The following CPD variants were observed in gnomAD, a reference collection of about 807,000 sequenced individuals.
CPD encodes metallocarboxypeptidase D.
Under a neutral mutation model 138.3 loss-of-function variants are expected in CPD, and 69 were observed. That is an observed-to-expected ratio of 0.50 (90% CI 0.41 to 0.61). The LOEUF (loss-of-function observed/expected upper bound fraction) is 0.61, where lower values mean the gene tolerates loss of function less well. Ranked by LOEUF, CPD falls within the 20% of genes least tolerant of loss-of-function variation. The pLI, the probability that CPD is intolerant of heterozygous loss-of-function variation, is 0.00. For missense variants in CPD, 1,432 were observed against 1,733.3 expected (o/e 0.83, Z 3.09); for synonymous variants, 651 against 642.1 (o/e 1.01, Z -0.21).
intron 2 of CPD, among the ~76,000 whole-genome samples, chr17:30,416,853 A>G (rs575924630): frequency 6.6e-6 from 1 of 152,208 alleles, no homozygotes; most frequent in Non-Finnish European, 1.5e-5. Flanking sequence ...CTGTAATCCC[A>G]GCACTTTGGG....
chr17:30,416,643 C>A (rs1912114737), intron 2 of CPD, among the ~76,000 whole-genome samples: 1 of 152,180 alleles, frequency 6.6e-6, no homozygotes, highest in South Asian at 2.1e-4. Flanking sequence ...CTTACACTTA[C>A]CAAACTTTTC....
chr17:30,429,393 C>T (rs16965757), intron 7 of CPD, among the ~76,000 whole-genome samples: 2,096 of 152,218 alleles, frequency 0.014, 76 homozygotes, highest in Admixed American at 0.075. Context: ...AGGTAGGAAT[C>T]TTCAGTCATG....
At position 30,395,631 on chromosome 17, in the gene CPD, A is replaced by T. The variant is rs572042489; in HGVS notation, c.994+10395A>T. Among the ~76,000 whole-genome samples the T allele has an allele frequency of 2.0e-5, 3 of 152,054 alleles. No homozygotes were observed. In the South Asian group the frequency reaches 6.2e-4, roughly 32 times the overall value. ...AACACTCCTTTAGGATTTGGCCCCC[A>T]GTCTTTAGATCTAATGTGTATAAAT... On this transcript the variant is annotated intron_variant, in intron 2 of 20. Transcript: ENST00000225719.
At chr17:30,427,858 C>T (rs1368488904) in intron 7 of CPD, among the ~76,000 whole-genome samples, 1 of 150,464 alleles carries the variant, frequency 6.6e-6, no homozygotes, top group Non-Finnish European at 1.5e-5. Context: ...CTTCTCTTAC[C>T]TCCTCTCCCC....
At chr17:30,417,888 C>A (rs1215691326) in intron 2 of CPD, among the ~76,000 whole-genome samples, 1 of 152,136 alleles carries the variant, frequency 6.6e-6, no homozygotes, top group Non-Finnish European at 1.5e-5. Flanking sequence ...ACCCTACTTA[C>A]CTTTCCAGCC....
At chr17:30,455,735 G>T in intron 15 of CPD, 1 of 349,996 alleles carries the variant, frequency 2.9e-6, no homozygotes, top group Non-Finnish European at 5.1e-6. Context: ...CAATTATTAT[G>T]TCTGTAAATA....
At chr17:30,412,197 C>G (rs891528247) in intron 2 of CPD, among the ~76,000 whole-genome samples, 1 of 150,740 alleles carries the variant, frequency 6.6e-6, no homozygotes, top group Admixed American at 6.6e-5. Context: ...GGCTGCAGAA[C>G]AGCAAATATT....
At chr17:30,408,754 CAG>C (rs1226789977) in intron 2 of CPD, among the ~76,000 whole-genome samples, 1 of 152,172 alleles carries the variant, frequency 6.6e-6, no homozygotes, top group Admixed American at 6.6e-5. Context: ...CATCTGCAAA[CAG>C]GGACAATTTG....
In CPD at chr17:30,400,652, C is replaced by CTTTTTTTTTTTTT. The variant is rs34301387; in HGVS notation, c.994+15428_994+15440dup. Among the ~76,000 whole-genome samples, 12 of 57,588 alleles carry CTTTTTTTTTTTTT rather than the reference C, an allele frequency of 2.1e-4. 2 individuals carry two copies. Among genetic ancestry groups the CTTTTTTTTTTTTT allele is most frequent in the African/African-American group, 8.6e-4 (11 of 12,856 alleles). The allele number at this position is 57,588 out of a possible 152,430, so 37.8% of individuals were successfully genotyped here. A position where few individuals can be genotyped will look rare whatever the true frequency, so the allele number is the denominator to read the frequency against. The stretch of plus-strand genomic sequence containing the variant: ...TGAGAATGTGTATTTTGCCATCATT[C>CTTTTTTTTTTTTT]TTTTTTTTTTTTTTTTTTTTTTTTG... On this transcript the variant is annotated intron_variant, in intron 2 of 20. Coordinates refer to ENST00000225719, the MANE Select transcript of CPD (RefSeq NM_001304.5).
chr17:30,392,722 C>A (rs1347177519), intron 2 of CPD, among the ~76,000 whole-genome samples: 1 of 152,164 alleles, frequency 6.6e-6, no homozygotes, highest in African/African-American at 2.4e-5. Flanking sequence ...AACAAAACAC[C>A]TTACAAGTTG....
At chr17:30,384,682 T>C (rs1211973854) in intron 1 of CPD, among the ~76,000 whole-genome samples, 1 of 152,208 alleles carries the variant, frequency 6.6e-6, no homozygotes, top group African/African-American at 2.4e-5. Context: ...ATAAGACATT[T>C]CCTGAAATAT....
intron 2 of CPD, among the ~76,000 whole-genome samples, chr17:30,401,491 A>G (rs556905476): frequency 7.0e-6 from 1 of 142,708 alleles, no homozygotes; most frequent in African/African-American, 2.6e-5. Flanking sequence ...TCTTCCTGTT[A>G]TTATTATTGT....
intron 2 of CPD, among the ~76,000 whole-genome samples, chr17:30,399,162 G>A (rs530493943): frequency 2.6e-5 from 4 of 151,938 alleles, no homozygotes; most frequent in African/African-American, 4.8e-5. Context: ...TAATAACATC[G>A]TGGTCAGAGA....
chr17:30,446,091 G>T, intron 12 of CPD, 71 bp downstream of exon 12: 1 of 1,042,878 alleles, frequency 9.6e-7, no homozygotes, highest in African/African-American at 1.6e-5. Flanking sequence ...ATGTTGAATA[G>T]TTGTAATTTA....
In CPD at chr17:30,421,751, C is replaced by T; in HGVS notation, c.1225C>T (p.His409Tyr). ...NATISVAGIN[H>Y]NITTGRFGDF... ...AACCATCTCAGTGGCTGGTATTAAT[C>T]ATAATATCACAACAGGCAGATTTGG... Residue 409 changes from histidine to tyrosine, a missense_variant, in exon 4 of 21, where the codon CAT becomes TAT. Physicochemically the swap from His to Tyr is moderately conservative, Grantham distance 83. Around this residue, in one of 6 missense-constraint regions of CPD, gnomAD observed 160 missense variants for 197.9 expected, o/e 0.81. Coordinates refer to ENST00000225719, the MANE Select transcript of CPD (RefSeq NM_001304.5). 2 of 1,612,922 alleles carry T rather than the reference C, an allele frequency of 1.2e-6. No individual in the cohort carries two copies. The highest frequency in any genetic ancestry group is 1.7e-6 in the Non-Finnish European group (2 of 1,178,958).
chr17:30,387,826 T>C lies in CPD; in HGVS notation c.994+2590T>C, dbSNP rs140839010. On this transcript the variant is annotated intron_variant, in intron 2 of 20. Transcript: ENST00000225719. ...GATCTTTGGGGTATTGCTTTTCTGG[T>C]TGGAAACCTCTGTGCCTGGTGGTGC... 3.2e-3 allele frequency among the ~76,000 whole-genome samples: 492 copies of C among 152,338 alleles called. 4 individuals carry two copies. The highest frequency in any genetic ancestry group is 0.011 in the African/African-American group (465 of 41,568).
chr17:30,379,539 T>A lies in CPD; in HGVS notation c.559T>A (p.Phe187Ile). ...GCTGCCCAGCCTCAACCCCGATGGC[T>A]TCGAGCGTGCCCGCGAGGGCGACTG... ...YLLPSLNPDGFERAREGDCGF... is the reference protein window; with the variant it reads ...YLLPSLNPDGIERAREGDCGF... Residue 187 changes from phenylalanine (F) to isoleucine (I), a missense_variant, in exon 1 of 21, where the codon TTC (phenylalanine) becomes ATC (isoleucine). Transcript: ENST00000225719. This position sits in a 1 kb window ranked among gnomAD's most constrained non-coding sequence, Gnocchi z 7.0. The A allele has an allele frequency of 6.4e-7, 1 of 1,557,986 alleles. No individual in the cohort carries two copies. The highest frequency in any genetic ancestry group is 8.6e-7 in the Non-Finnish European group (1 of 1,159,876).
At chr17:30,421,272 C>G (rs995994011) in intron 3 of CPD, among the ~76,000 whole-genome samples, 1 of 152,142 alleles carries the variant, frequency 6.6e-6, no homozygotes, top group Non-Finnish European at 1.5e-5. Context: ...TTTGTACTCT[C>G]AGGTTCTTAC....
chr17:30,437,582 G>A (rs1912735630), intron 8 of CPD, among the ~76,000 whole-genome samples: 1 of 152,054 alleles, frequency 6.6e-6, no homozygotes, highest in Non-Finnish European at 1.5e-5. Context: ...CTCCTCAGGA[G>A]GGTGAGGTGG....
Sources: gnomAD v4.1 joint callset for allele counts (sites outside exome capture counted in the v4.1 genomes callset) on GRCh38, gnomAD v4.1.1 for gene constraint, gnomAD v4.1.1 regional missense constraint, Gnocchi (gnomAD v3.1) non-coding constraint, MANE v1.5 for transcripts, NCBI Gene and HGNC (gene_info 2026-07-23, HGNC 2026-07-21) for gene names.